The following GALNT17 variants were observed in gnomAD, a reference collection of about 807,000 sequenced individuals.
GALNT17 encodes polypeptide N-acetylgalactosaminyltransferase 17, also known as UDP-GalNAc:polypeptide N-acetylgalactosaminyltransferase-like 3.
Under a neutral mutation model 63.7 loss-of-function variants are expected in GALNT17, and 29 were observed. The observed-to-expected ratio is 0.46, with a 90% CI of 0.34 to 0.62. The LOEUF (loss-of-function observed/expected upper bound fraction) is 0.62. GALNT17 is among the 20% of genes least tolerant of loss of function. The pLI is 0.01. For missense variants in GALNT17, 603 were observed against 799.6 expected (o/e 0.75, Z 2.97); for synonymous variants, 305 against 318.3 (o/e 0.96, Z 0.45).
chr7:71,615,800 A>G (rs986625216), intron 6 of GALNT17, among the ~76,000 whole-genome samples: 18 of 151,898 alleles, frequency 1.2e-4, no homozygotes, highest in Non-Finnish European at 2.4e-4. Context: ...CTTACTTTTT[A>G]CTCTGCATCA....
chr7:71,426,989 A>G (rs1473077289), intron 5 of GALNT17, among the ~76,000 whole-genome samples: 1 of 152,064 alleles, frequency 6.6e-6, no homozygotes, highest in African/African-American at 2.4e-5. Context: ...TTATACCATC[A>G]ATCCATATTA....
At chr7:71,652,181 T>G (rs974419117) in intron 6 of GALNT17, among the ~76,000 whole-genome samples, 9 of 151,984 alleles carry the variant, frequency 5.9e-5, no homozygotes, top group Non-Finnish European at 1.0e-4. Flanking sequence ...ACAAAACACT[T>G]CATCTTAATT....
intron 2 of GALNT17, among the ~76,000 whole-genome samples, chr7:71,375,216 CAG>C (rs998702586): frequency 3.3e-5 from 5 of 152,186 alleles, no homozygotes; most frequent in African/African-American, 9.7e-5. Flanking sequence ...TGGGAAGAAA[CAG>C]AAGTGTTTCA....
intron 6 of GALNT17, among the ~76,000 whole-genome samples, chr7:71,607,623 TAA>T (rs1165617821): frequency 2.6e-5 from 4 of 151,994 alleles, no homozygotes; most frequent in African/African-American, 7.3e-5. Context: ...CTGAAAGATA[TAA>T]AGAGATAAAC....
intron 3 of GALNT17, 97 bp from the exon 4 acceptor site, chr7:71,415,792 C>T: frequency 2.2e-6 from 3 of 1,342,822 alleles, no homozygotes; most frequent in Admixed American, 3.0e-5. Flanking sequence ...TTTTTGAGAT[C>T]TTTGAACTCC....
intron 1 of GALNT17, among the ~76,000 whole-genome samples, chr7:71,274,494 A>T (rs1268668893): frequency 6.6e-6 from 1 of 152,108 alleles, no homozygotes; most frequent in Non-Finnish European, 1.5e-5. Flanking sequence ...TGCCCAGGCT[A>T]GTCTTGAAGT....
chr7:71,319,125 T>TC (rs1554352835), intron 1 of GALNT17, among the ~76,000 whole-genome samples: 18 of 151,920 alleles, frequency 1.2e-4, no homozygotes, highest in South Asian at 2.1e-4. Flanking sequence ...TTTCTTTCTT[T>TC]TTTTTGTTCT....
At chr7:71,157,141 T>C (rs1788251137) in intron 1 of GALNT17, among the ~76,000 whole-genome samples, 1 of 151,766 alleles carries the variant, frequency 6.6e-6, no homozygotes, top group African/African-American at 2.4e-5. Flanking sequence ...TGTTTTGAAG[T>C]ACTTTTCTAG....
chr7:71,677,918 G>GA (rs1291946887), intron 9 of GALNT17, among the ~76,000 whole-genome samples: 1 of 151,956 alleles, frequency 6.6e-6, no homozygotes, highest in Non-Finnish European at 1.5e-5. Context: ...TGTCCAGATG[G>GA]ATACTCACCC....
intron 9 of GALNT17, among the ~76,000 whole-genome samples, chr7:71,684,981 T>A (rs374261204): frequency 3.6e-5 from 5 of 137,266 alleles, no homozygotes; most frequent in African/African-American, 1.0e-4. Flanking sequence ...GCTTTTTTTT[T>A]ATTATTATTA....
intron 6 of GALNT17, among the ~76,000 whole-genome samples, chr7:71,603,985 C>T (rs983336659): frequency 1.0e-5 from 1 of 98,476 alleles, no homozygotes; most frequent in East Asian, 2.5e-4. Context: ...TATACCAGGT[C>T]CTATGCTAAG....
chr7:71,547,648 C>T (rs564974860), intron 5 of GALNT17, among the ~76,000 whole-genome samples: 2 of 151,992 alleles, frequency 1.3e-5, no homozygotes, highest in Non-Finnish European at 2.9e-5. Context: ...GAGTGAAACC[C>T]GCACTGAGAG....
At chr7:71,181,072 T>A (rs940313254) in intron 1 of GALNT17, among the ~76,000 whole-genome samples, 6 of 151,906 alleles carry the variant, frequency 3.9e-5, no homozygotes, top group African/African-American at 1.2e-4. Context: ...CTGGCCAATA[T>A]GGCAAAACCT....
chr7:71,150,039 T>C lies in GALNT17; in HGVS notation c.238+16999T>C, dbSNP rs115694733. 2.7e-3 allele frequency among the ~76,000 whole-genome samples: 417 copies of C among 152,238 alleles called. 1 individual carries two copies. Among genetic ancestry groups the C allele is most frequent in the African/African-American group, 9.4e-3 (389 of 41,540 alleles). On this transcript the variant is annotated intron_variant, in intron 1 of 10. Coordinates refer to ENST00000333538, the MANE Select transcript of GALNT17 (RefSeq NM_022479.3). ...GTGTCATTGCTTAGGCACACGCTTC[T>C]CGGAAGCTGATACAAATGGCTGATG...
intron 6 of GALNT17, among the ~76,000 whole-genome samples, chr7:71,583,372 G>T (rs886744745): frequency 3.3e-5 from 5 of 152,182 alleles, no homozygotes; most frequent in Non-Finnish European, 7.3e-5. Flanking sequence ...AGGATTACAG[G>T]CCTGAGCCAC....
intron 5 of GALNT17, among the ~76,000 whole-genome samples, chr7:71,435,879 G>T (rs191634171): frequency 6.5e-4 from 99 of 152,122 alleles, no homozygotes; most frequent in African/African-American, 2.2e-3. Context: ...AATTAGCAGG[G>T]CGTGGTGGCG....
intron 1 of GALNT17, among the ~76,000 whole-genome samples, chr7:71,208,795 T>A (rs1384112334): frequency 6.6e-6 from 1 of 152,184 alleles, no homozygotes; most frequent in East Asian, 1.9e-4. Context: ...ATTTTAATTT[T>A]TTTCTTATAA....
Position 71,430,731 on chromosome 7 carries a change from G to T in GALNT17, c.962+9626G>T, listed in dbSNP as rs535343360. On this transcript the variant is annotated intron_variant, in intron 5 of 10. Coordinates refer to ENST00000333538, the MANE Select transcript of GALNT17 (RefSeq NM_022479.3). ...AAAGGGATGCCTTGGATATATAGTT[G>T]CCGGGATCTCAAATTCTGTGCACAG... Among the ~76,000 whole-genome samples, 6 of 152,274 alleles carry T rather than the reference G, an allele frequency of 3.9e-5. No homozygotes were observed. The South Asian group carries it at 1.0e-3, about 26-fold the overall frequency.
At chr7:71,450,473 G>T (rs767125151) in intron 5 of GALNT17, among the ~76,000 whole-genome samples, 4 of 152,130 alleles carry the variant, frequency 2.6e-5, no homozygotes, top group Non-Finnish European at 2.9e-5. Context: ...TGGAACTCGT[G>T]TACTTTTTCT....
Sources: gnomAD v4.1 joint callset for allele counts (sites outside exome capture counted in the v4.1 genomes callset) on GRCh38, gnomAD v4.1.1 for gene constraint, MANE v1.5 for transcripts, NCBI Gene and HGNC (gene_info 2026-07-23, HGNC 2026-07-21) for gene names.